The following SGCG variants were observed in gnomAD, a reference collection of about 807,000 sequenced individuals.
SGCG encodes the protein sarcoglycan gamma.
In SGCG, 26 loss-of-function variants were observed where a neutral mutation model predicts 29.3. The ratio of observed to expected loss-of-function variants is 0.89; its 90% CI spans 0.65 to 1.23. SGCG has a LOEUF of 1.23. Among genes scored for constraint, SGCG ranks in the 50% most tolerant of loss-of-function variants. The pLI is 0.00. For missense variants in SGCG, 353 were observed against 356.0 expected (o/e 0.99, Z 0.07); for synonymous variants, 145 against 129.7 (o/e 1.12, Z -0.80).
At chr13:23,205,806 TTA>T (rs1175307767) in intron 2 of SGCG, among the ~76,000 whole-genome samples, 6 of 152,254 alleles carry the variant, frequency 3.9e-5, no homozygotes, top group African/African-American at 9.6e-5. Context: ...TTTGCTTCAG[TTA>T]GGAACCTGTT....
chr13:23,267,487 T>C (rs9510654), intron 4 of SGCG: 2 of 152,372 alleles, frequency 1.3e-5, no homozygotes, highest in African/African-American at 4.8e-5. Context: ...AGCCACACCG[T>C]CTTGGATCCA....
rs66844808 is a variant in SGCG at position 23,279,329 on chromosome 13, A to G, written c.386-30A>G. The G allele has an allele frequency of 0.11, 182,749 of 1,603,962 alleles. 11,480 individuals carry two copies. Among genetic ancestry groups the G allele is most frequent in the Non-Finnish European group, 0.13 (147,774 of 1,172,582 alleles). On this transcript the variant is annotated intron_variant, in intron 4 of 7. Transcript: ENST00000218867. The stretch of plus-strand genomic sequence containing the variant: ...GATTTGGACACTGCTTGTAGTGAAC[A>G]GTTTATAATAAACTGTTTTAATTCT...
intron 1 of SGCG, among the ~76,000 whole-genome samples, chr13:23,195,453 T>A (rs540762982): frequency 1.2e-4 from 18 of 152,306 alleles, no homozygotes; most frequent in East Asian, 3.9e-4. Context: ...GTTTTTATTT[T>A]TTTTTTCCCT....
intron 4 of SGCG, among the ~76,000 whole-genome samples, chr13:23,252,321 C>G (rs552929811): frequency 1.3e-5 from 2 of 151,990 alleles, no homozygotes; most frequent in African/African-American, 4.8e-5. Context: ...TATATGCTAT[C>G]AAGTAATAAT....
chr13:23,162,943 A>G, the SGCG span, among the ~76,000 whole-genome samples: 3 of 152,208 alleles, frequency 2.0e-5, no homozygotes, highest in African/African-American at 7.2e-5. Context: ...GGACATGGTT[A>G]TAGTTAACTA....
At chr13:23,168,529 C>T in the SGCG span, among the ~76,000 whole-genome samples, 1 of 152,190 alleles carries the variant, frequency 6.6e-6, no homozygotes, top group Non-Finnish European at 1.5e-5. Flanking sequence ...CTTTGCCATA[C>T]AGCTAATTCA....
At chr13:23,231,402 A>G (rs1270179471) in intron 2 of SGCG, among the ~76,000 whole-genome samples, 5 of 152,100 alleles carry the variant, frequency 3.3e-5, no homozygotes, top group Non-Finnish European at 5.9e-5. Flanking sequence ...AGCCAGAGAA[A>G]GAAATGACAA....
chr13:23,314,487 T>C (rs530728286), intron 6 of SGCG, among the ~76,000 whole-genome samples: 3 of 140,958 alleles, frequency 2.1e-5, no homozygotes, highest in Admixed American at 7.3e-5. Flanking sequence ...ATCTTATTAG[T>C]TCTGTCCCTC....
intron 2 of SGCG, among the ~76,000 whole-genome samples, chr13:23,222,098 GT>G (rs1278507676): frequency 6.6e-6 from 1 of 152,144 alleles, no homozygotes; most frequent in Non-Finnish European, 1.5e-5. Context: ...TGGCCTAGAT[GT>G]TTCCCCATGT....
chr13:23,170,690 G>A, the SGCG span: 2 of 152,240 alleles, frequency 1.3e-5, no homozygotes, highest in African/African-American at 4.8e-5. Flanking sequence ...CTGGTATCCA[G>A]GCACACATTT....
chr13:23,201,456 A>T (rs1311338355), intron 1 of SGCG, among the ~76,000 whole-genome samples: 1 of 152,016 alleles, frequency 6.6e-6, no homozygotes, highest in Non-Finnish European at 1.5e-5. Context: ...CAGTGTTATC[A>T]CGGGGGTCCC....
chr13:23,185,078 A>G (rs888052605), intron 1 of SGCG, among the ~76,000 whole-genome samples: 3 of 152,214 alleles, frequency 2.0e-5, no homozygotes. Context: ...ATCTTTTGTG[A>G]TAATTTTTGT....
chr13:23,208,873 T>C lies in SGCG; in HGVS notation c.195+4984T>C, dbSNP rs1566000075. On this transcript the variant is annotated intron_variant, in intron 2 of 7. Coordinates refer to ENST00000218867, the MANE Select transcript of SGCG (RefSeq NM_000231.3). ...TGCAATATTAGTTTAGTTATAGTGTTCATGAGTATAGAATAATATACATGG... is the reference window on the plus strand; with the variant it reads ...TGCAATATTAGTTTAGTTATAGTGTCCATGAGTATAGAATAATATACATGG... 2.0e-5 allele frequency among the ~76,000 whole-genome samples: 3 copies of C among 152,144 alleles called. No individual in the cohort carries two copies. In the South Asian group the frequency reaches 6.2e-4, roughly 31 times the overall value.
upstream of SGCG, among the ~76,000 whole-genome samples, chr13:23,176,607 T>C (rs1205356970): frequency 6.7e-6 from 1 of 148,974 alleles, no homozygotes; most frequent in Non-Finnish European, 1.5e-5. Context: ...ATCTCTTTGC[T>C]TGTAGTCTAT....
At chr13:23,190,367 T>C (rs1394431029) in intron 1 of SGCG, among the ~76,000 whole-genome samples, 4 of 152,178 alleles carry the variant, frequency 2.6e-5, no homozygotes, top group African/African-American at 7.2e-5. Flanking sequence ...CTTTGAAATA[T>C]TAAGATTGCC....
At chr13:23,252,463 G>T (rs1454746144) in intron 4 of SGCG, among the ~76,000 whole-genome samples, 1 of 151,934 alleles carries the variant, frequency 6.6e-6, no homozygotes, top group Non-Finnish European at 1.5e-5. Context: ...AGGCCGAGGT[G>T]GGTGGATCAT....
intron 6 of SGCG, among the ~76,000 whole-genome samples, chr13:23,310,187 C>T (rs6490791): frequency 0.2 from 29,737 of 149,212 alleles, 3,754 homozygotes; most frequent in Non-Finnish European, 0.27. Context: ...CCTGGGTTCA[C>T]GCCATTCTCC....
intron 3 of SGCG, among the ~76,000 whole-genome samples, chr13:23,239,251 A>G (rs1026177149): frequency 6.6e-6 from 1 of 152,124 alleles, no homozygotes; most frequent in Non-Finnish European, 1.5e-5. Context: ...TATAACATAC[A>G]AAGGAGTGAA....
intron 1 of SGCG, among the ~76,000 whole-genome samples, chr13:23,195,505 G>A (rs1054816956): frequency 1.3e-5 from 2 of 151,260 alleles, no homozygotes; most frequent in Non-Finnish European, 2.9e-5. Flanking sequence ...TTGTTTGTTT[G>A]TTTGTTTTGT....
Sources: gnomAD v4.1 joint callset for allele counts (sites outside exome capture counted in the v4.1 genomes callset) on GRCh38, gnomAD v4.1.1 for gene constraint, MANE v1.5 for transcripts, NCBI Gene and HGNC (gene_info 2026-07-23, HGNC 2026-07-21) for gene names.